The following PALMD variants were observed in gnomAD, a reference collection of about 807,000 sequenced individuals.
PALMD encodes the protein palmdelphin, also known as paralemmin-like protein.
In PALMD, 42 loss-of-function variants were observed where a neutral mutation model predicts 56.2. The ratio of observed to expected loss-of-function variants is 0.75; its 90% CI spans 0.58 to 0.97. The LOEUF is 0.97. PALMD is among the 50% of genes least tolerant of loss of function. PALMD has a pLI of 0.00. For missense variants in PALMD, 660 were observed against 643.8 expected (o/e 1.03, Z -0.27); for synonymous variants, 242 against 222.9 (o/e 1.09, Z -0.76).
chr1:99,654,086 C>T (rs941982803), intron 1 of PALMD, among the ~76,000 whole-genome samples: 1 of 151,924 alleles, frequency 6.6e-6, no homozygotes, highest in Admixed American at 6.6e-5. Flanking sequence ...GATAAAAAAG[C>T]ATCACCCCTG....
intron 2 of PALMD, among the ~76,000 whole-genome samples, chr1:99,667,032 G>A (rs1652980380): frequency 6.6e-6 from 1 of 152,206 alleles, no homozygotes; most frequent in African/African-American, 2.4e-5. Flanking sequence ...TGAGAAGAAA[G>A]AAGGGGAGCT....
rs529799762 is a variant in PALMD at position 99,664,470 on chromosome 1, C to T, written c.126+2071C>T. ...TATAAAACAAGTGAAATTTGGCCTG[C>T]GTCCTTAAGATGGTAACTGATACAT... On this transcript the variant is annotated intron_variant, in intron 2 of 7. Transcript: ENST00000263174. 9.9e-5 allele frequency among the ~76,000 whole-genome samples: 15 copies of T among 152,156 alleles called. No individual in the cohort carries two copies. In the South Asian group the frequency reaches 1.5e-3, roughly 15 times the overall value.
chr1:99,660,142 C>A (rs1652815653), intron 1 of PALMD, among the ~76,000 whole-genome samples: 1 of 152,214 alleles, frequency 6.6e-6, no homozygotes, highest in African/African-American at 2.4e-5. Flanking sequence ...TAAAAATGTG[C>A]TCCCTGCTAA....
rs185982738 is a variant in PALMD, at chr1:99,690,345, T to G, written c.1612+473T>G. ...AGTATTTTATTACCTTGCTGTATCTTGTTTCTCTATATGTCTATAGTTTCA... is the reference window on the plus strand; with the variant it reads ...AGTATTTTATTACCTTGCTGTATCTGGTTTCTCTATATGTCTATAGTTTCA... On this transcript the variant is annotated intron_variant, in intron 7 of 7. Transcript: ENST00000263174. Among the ~76,000 whole-genome samples, 60 of 152,324 alleles carry G rather than the reference T, an allele frequency of 3.9e-4. 1 individual carries two copies. Among genetic ancestry groups the G allele is most frequent in the Non-Finnish European group, 6.6e-4 (45 of 68,016 alleles).
chr1:99,687,168 G>A lies in PALMD; in HGVS notation c.493G>A (p.Asp165Asn). 4 of 1,603,240 alleles carry A rather than the reference G, an allele frequency of 2.5e-6. No individual in the cohort carries two copies. The highest frequency in any genetic ancestry group is 3.4e-6 in the Non-Finnish European group (4 of 1,172,502). The change falls in exon 6 of 8, where the codon GAT becomes AAT. Residue 165 changes from aspartate to asparagine, a missense_variant. By Grantham distance (23) the Asp-to-Asn change is conservative (BLOSUM62 1). Transcript: ENST00000263174. ...GAAGGAGATAAATGAAGAAAAAGAAGATGATGAACAAAATAGGAAAGGTAT... is the reference window on the plus strand; with the variant it reads ...GAAGGAGATAAATGAAGAAAAAGAAAATGATGAACAAAATAGGAAAGGTAT... Reference protein sequence around the residue: ...LRKEINEEKEDDEQNRKALYA... With the variant: ...LRKEINEEKENDEQNRKALYA...
intron 1 of PALMD, among the ~76,000 whole-genome samples, chr1:99,658,630 G>A (rs752809312): frequency 3.3e-5 from 5 of 152,026 alleles, no homozygotes; most frequent in Admixed American, 6.5e-5. Flanking sequence ...AATTAACCGC[G>A]TGTGGTGGCG....
In PALMD at chr1:99,686,806, T is replaced by A; in HGVS notation, c.366+16T>A. 1 of 1,436,434 alleles carries A rather than the reference T, an allele frequency of 7.0e-7. No individual in the cohort carries two copies. The highest frequency in any genetic ancestry group is 9.7e-7 in the Non-Finnish European group (1 of 1,029,432). The allele number at this position is 1,436,434 out of a possible 1,614,324, so 89.0% of individuals were successfully genotyped here. ...CATTATAAGAGTGAGCATTAACCAA[T>A]TTTAAAACTGTAATTCTCTCTCAAA... On this transcript the variant is annotated intron_variant, in intron 4 of 7. Transcript: ENST00000263174.
At chr1:99,663,642 A>T (rs922231072) in intron 2 of PALMD, among the ~76,000 whole-genome samples, 2 of 151,990 alleles carry the variant, frequency 1.3e-5, no homozygotes, top group African/African-American at 4.8e-5. Flanking sequence ...CTCCCAATGA[A>T]CTACTTCCTG....
intron 7 of PALMD, among the ~76,000 whole-genome samples, chr1:99,692,115 C>A (rs1206307937): frequency 6.6e-6 from 1 of 152,204 alleles, no homozygotes; most frequent in Admixed American, 6.5e-5. Context: ...CCCCAGCCAG[C>A]TTTGCATGGG....
intron 2 of PALMD, among the ~76,000 whole-genome samples, chr1:99,665,198 A>G (rs1652935284): frequency 1.3e-5 from 2 of 152,272 alleles, no homozygotes; most frequent in East Asian, 3.9e-4. Context: ...CTGGGTAGAT[A>G]TAGAAGTGCT....
chr1:99,694,100 A>C lies in PALMD; in HGVS notation c.*38A>C. On this transcript the variant is annotated 3_prime_UTR_variant, in exon 8 of 8. Coordinates refer to ENST00000263174, the MANE Select transcript of PALMD (RefSeq NM_017734.5). ...CTATATAAACATCCTTTGAAGAAGAAACTAAGAAGCATTTGCAAATTTCTC... is the reference window on the plus strand; with the variant it reads ...CTATATAAACATCCTTTGAAGAAGACACTAAGAAGCATTTGCAAATTTCTC... The C allele has an allele frequency of 7.1e-7, 1 of 1,403,116 alleles. No individual in the cohort carries two copies. The allele number at this position is 1,403,116 out of a possible 1,614,324, so 86.9% of individuals were successfully genotyped here.
chr1:99,680,843 T>C (rs1653324815), intron 3 of PALMD, among the ~76,000 whole-genome samples: 1 of 151,470 alleles, frequency 6.6e-6, no homozygotes, highest in Non-Finnish European at 1.5e-5. Flanking sequence ...TATGTGTGTA[T>C]ATATATGCAT....
chr1:99,659,381 A>C (rs1368282638), intron 1 of PALMD, among the ~76,000 whole-genome samples: 1 of 152,252 alleles, frequency 6.6e-6, no homozygotes, highest in Non-Finnish European at 1.5e-5. Context: ...ATGTCCATTG[A>C]ACAAAAAGTC....
chr1:99,683,766 GC>G (rs1187394786), intron 3 of PALMD: 4 of 152,286 alleles, frequency 2.6e-5, no homozygotes, highest in Non-Finnish European at 4.4e-5. Context: ...CTTCCCCAAA[GC>G]CCTTCCATGC....
At chr1:99,670,766 A>G (rs1653066777) in intron 3 of PALMD, among the ~76,000 whole-genome samples, 1 of 152,210 alleles carries the variant, frequency 6.6e-6, no homozygotes, top group Non-Finnish European at 1.5e-5. Context: ...CAGAGAAAAA[A>G]TATCTATGCC....
In PALMD at chr1:99,689,314, G is replaced by A. The variant is rs1246076124; in HGVS notation, c.1054G>A (p.Glu352Lys). ...TPQKRLMTPW[E>K]ESNVMQDKDA... is the part of the protein sequence containing the mutation. Reference sequence around the variant, plus strand: ...GCAAAAAAGGCTAATGACTCCTTGGGAAGAATCGAATGTCATGCAGGACAA... The same window carrying A: ...GCAAAAAAGGCTAATGACTCCTTGGAAAGAATCGAATGTCATGCAGGACAA... The change falls in exon 7 of 8, where the codon GAA becomes AAA. Residue 352 changes from glutamate (E) to lysine (K), a missense_variant. Coordinates refer to ENST00000263174, the MANE Select transcript of PALMD (RefSeq NM_017734.5). The A allele has an allele frequency of 1.2e-6, 2 of 1,613,602 alleles. No individual in the cohort carries two copies. The highest frequency in any genetic ancestry group is 2.2e-5 in the East Asian group (1 of 44,826).
At chr1:99,685,865 A>G (rs1653481527) in intron 3 of PALMD, 1 of 152,146 alleles carries the variant, frequency 6.6e-6, no homozygotes, top group Non-Finnish European at 1.5e-5. Flanking sequence ...CTATGTTTTT[A>G]TAGAGGAGAG....
intron 3 of PALMD, among the ~76,000 whole-genome samples, chr1:99,671,947 T>C (rs12060481): frequency 0.011 from 1,632 of 152,322 alleles, 31 homozygotes; most frequent in African/African-American, 0.037. Context: ...TCAGAGCCTG[T>C]AGAAATTTTT....
intron 1 of PALMD, among the ~76,000 whole-genome samples, chr1:99,652,783 A>G (rs1347494152): frequency 6.6e-6 from 1 of 152,034 alleles, no homozygotes; most frequent in Non-Finnish European, 1.5e-5. Context: ...TCTTATTAAT[A>G]CAGTTTGACG....
Sources: allele counts gnomAD v4.1 joint callset (sites outside exome capture counted in the v4.1 genomes callset), GRCh38; gene constraint gnomAD v4.1.1; transcripts MANE v1.5; gene names NCBI Gene and HGNC (gene_info 2026-07-23, HGNC 2026-07-21).